COL28A1: variants seen among roughly 807,000 people sequenced by gnomAD.
The protein encoded by COL28A1 is collagen alpha-1(XXVIII) chain.
A neutral mutation model predicts 150.2 loss-of-function variants in COL28A1; 161 were observed. The observed-to-expected ratio is 1.07, with a 90% CI of 0.94 to 1.22. The LOEUF is 1.22. Among genes scored for constraint, COL28A1 ranks in the 50% most tolerant of loss-of-function variants. COL28A1 has a pLI of 0.00. For missense variants in COL28A1, 1,617 were observed against 1,388.3 expected (o/e 1.16, Z -2.62); for synonymous variants, 552 against 469.7 (o/e 1.18, Z -2.26).
At chr7:7,482,462 T>G (rs1432742819) in intron 13 of COL28A1, among the ~76,000 whole-genome samples, 1 of 151,024 alleles carries the variant, frequency 6.6e-6, no homozygotes, top group African/African-American at 2.4e-5. Context: ...GAGGTGGAGG[T>G]TGCAATGAGC....
At chr7:7,434,606 G>A (rs576194030) in intron 23 of COL28A1, among the ~76,000 whole-genome samples, 11 of 152,288 alleles carry the variant, frequency 7.2e-5, no homozygotes, top group South Asian at 4.1e-4. Context: ...ACACCACAGC[G>A]GAGGGGAAAA....
At chr7:7,462,316 A>G (rs2128339191) in intron 15 of COL28A1, among the ~76,000 whole-genome samples, 1 of 152,322 alleles carries the variant, frequency 6.6e-6, no homozygotes, top group Admixed American at 6.5e-5. Context: ...TGACGAAACA[A>G]GGTTGTTTAA....
Position 7,456,346 on chromosome 7 carries a change from T to C in COL28A1, c.1303-234A>G, listed in dbSNP as rs187803071. Among the ~76,000 whole-genome samples the C allele has an allele frequency of 1.8e-4, 28 of 152,332 alleles. No homozygotes were observed. In the East Asian group the frequency reaches 5.2e-3, roughly 28 times the overall value. Reference sequence around the variant, plus strand: ...TAAGTTGGTGAGCATTTGTATAGGCTTATATTTATCAATCATTTTCTCACA... The same window carrying C: ...TAAGTTGGTGAGCATTTGTATAGGCCTATATTTATCAATCATTTTCTCACA... On this transcript the variant is annotated intron_variant, in intron 15 of 34. Transcript: ENST00000399429.
At chr7:7,370,971 A>G (rs1227428510) in intron 32 of COL28A1, 89 bp from the exon 33 acceptor site, 1 of 857,908 alleles carries the variant, frequency 1.2e-6, no homozygotes, top group Non-Finnish European at 1.8e-6. Flanking sequence ...TCTCCTTAAA[A>G]TATGTAATTT....
the COL28A1 span, among the ~76,000 whole-genome samples, chr7:7,349,340 T>G: frequency 6.6e-6 from 1 of 152,108 alleles, no homozygotes; most frequent in Non-Finnish European, 1.5e-5. Context: ...CTGGCTGGTG[T>G]GACAAGCACT....
At chr7:7,349,125 A>T in the COL28A1 span, among the ~76,000 whole-genome samples, 1 of 152,260 alleles carries the variant, frequency 6.6e-6, no homozygotes, top group Non-Finnish European at 1.5e-5. Flanking sequence ...ATTTTTTGAC[A>T]TATGGACCTT....
At chr7:7,494,942 G>C (rs1780122229) in intron 11 of COL28A1, among the ~76,000 whole-genome samples, 1 of 152,120 alleles carries the variant, frequency 6.6e-6, no homozygotes, top group Non-Finnish European at 1.5e-5. Flanking sequence ...TACAGAAGAA[G>C]AAAGAGCATG....
At chr7:7,417,993 T>C in intron 26 of COL28A1, 66 bp from the exon 27 acceptor site, 1 of 1,291,108 alleles carries the variant, frequency 7.7e-7, no homozygotes. Flanking sequence ...CAACGTTAAG[T>C]ATTACTACTC....
rs527888189 is a variant in COL28A1, at chr7:7,406,672, C to A, written c.2136+11187G>T. Among the ~76,000 whole-genome samples, 12 of 152,062 alleles carry A rather than the reference C, an allele frequency of 7.9e-5. No homozygotes were observed. The South Asian group carries it at 8.3e-4, about 11-fold the overall frequency. ...CTAATACTGTCATAAAGAGAAGGAA[C>A]CAGCCATGTCAAATGCCAAGATAGA... On this transcript the variant is annotated intron_variant, in intron 27 of 34. Coordinates refer to ENST00000399429, the MANE Select transcript of COL28A1 (RefSeq NM_001037763.3).
downstream of COL28A1, chr7:7,357,233 A>T (rs1780387073): frequency 6.6e-6 from 1 of 152,314 alleles, no homozygotes; most frequent in Non-Finnish European, 1.5e-5. Context: ...TATTCTTAGT[A>T]GAGACGGGGT....
intron 33 of COL28A1, among the ~76,000 whole-genome samples, chr7:7,362,056 G>C (rs1468917912): frequency 6.6e-6 from 1 of 152,124 alleles, no homozygotes; most frequent in Non-Finnish European, 1.5e-5. Context: ...GGCAAGGAAA[G>C]CATTAGGAGA....
chr7:7,368,389 G>GTTTTTTTTTTGTTTTTT (rs34289231), intron 33 of COL28A1, among the ~76,000 whole-genome samples: 6 of 150,216 alleles, frequency 4.0e-5, no homozygotes, highest in African/African-American at 1.5e-4. Context: ...TTTGCCTACT[G>GTTTTTTTTTTGTTTTTT]TTTTTTTTGT....
Position 7,511,081 on chromosome 7 carries a change from T to C in COL28A1, c.927+10A>G, listed in dbSNP as rs764732865. ...CACAGCTGTAAGCAGTTTAAAAACA[T>C]GTTCCTTACCTTGTCACCTTTTATC... On this transcript the variant is annotated intron_variant, in intron 9 of 34. Coordinates refer to ENST00000399429, the MANE Select transcript of COL28A1 (RefSeq NM_001037763.3). The C allele has an allele frequency of 4.3e-6, 7 of 1,611,922 alleles. No individual in the cohort carries two copies. The highest frequency in any genetic ancestry group is 2.2e-5 in the South Asian group (2 of 90,970).
chr7:7,496,779 C>T (rs1434297813), intron 11 of COL28A1, among the ~76,000 whole-genome samples: 1 of 152,130 alleles, frequency 6.6e-6, no homozygotes, highest in African/African-American at 2.4e-5. Flanking sequence ...ATTTTCTTAA[C>T]ATTACAAAGA....
intron 27 of COL28A1, among the ~76,000 whole-genome samples, chr7:7,388,274 G>C (rs931996583): frequency 2.0e-5 from 3 of 151,616 alleles, no homozygotes; most frequent in Non-Finnish European, 4.4e-5. Flanking sequence ...TCAGTTTCCT[G>C]TTCTTATGTT....
chr7:7,443,984 C>CTTTTT (rs1441539874), intron 19 of COL28A1, among the ~76,000 whole-genome samples: 1 of 93,468 alleles, frequency 1.1e-5, no homozygotes, highest in African/African-American at 4.9e-5. Context: ...TTTCCATCTG[C>CTTTTT]TGTTTTTTTT....
chr7:7,432,372 C>T (rs1224062460), intron 25 of COL28A1, 101 bp downstream of exon 25: 20 of 832,924 alleles, frequency 2.4e-5, no homozygotes, highest in Non-Finnish European at 3.8e-5. Context: ...ATTTCAGACA[C>T]CTCTACTCTT....
intron 27 of COL28A1, among the ~76,000 whole-genome samples, chr7:7,391,655 G>A (rs549970796): frequency 6.6e-6 from 1 of 152,190 alleles, no homozygotes; most frequent in South Asian, 2.1e-4. Context: ...ATAAATGTGG[G>A]TGCTCCTGTA....
chr7:7,487,110 C>A (rs965613434), intron 13 of COL28A1, among the ~76,000 whole-genome samples: 4 of 151,970 alleles, frequency 2.6e-5, no homozygotes, highest in African/African-American at 4.8e-5. Context: ...GGTTTACCAA[C>A]TCATTCTCTA....
Sources: allele counts gnomAD v4.1 joint callset (sites outside exome capture counted in the v4.1 genomes callset), GRCh38; gene constraint gnomAD v4.1.1; transcripts MANE v1.5; gene names NCBI Gene and HGNC (gene_info 2026-07-23, HGNC 2026-07-21).